Variants in ZNF385D observed in about 807,000 individuals in gnomAD.
The protein encoded by ZNF385D is zinc finger protein 385D.
A neutral mutation model predicts 35.8 loss-of-function variants in ZNF385D; 15 were observed. The ratio of observed to expected loss-of-function variants is 0.42; its 90% CI spans 0.28 to 0.64. ZNF385D has a LOEUF of 0.64. Ranked by LOEUF, ZNF385D falls within the 30% of genes least tolerant of loss-of-function variation. The pLI is 0.23. For synonymous variants in ZNF385D, 212 were observed against 186.8 expected (o/e 1.13, Z -1.10); for missense variants, 474 against 494.6 (o/e 0.96, Z 0.39).
chr3:22,092,837 T>C (rs929673997), intron 3 of ZNF385D, among the ~76,000 whole-genome samples: 3 of 152,204 alleles, frequency 2.0e-5, no homozygotes, highest in Non-Finnish European at 2.9e-5. Context: ...AAAAAGAAAG[T>C]ACTAACATTA....
intron 1 of ZNF385D, among the ~76,000 whole-genome samples, chr3:21,729,787 T>G (rs2068914581): frequency 6.6e-6 from 1 of 152,216 alleles, no homozygotes; most frequent in African/African-American, 2.4e-5. Flanking sequence ...AAACTAGGCC[T>G]ACAGTTCTAA....
rs555285056 is a variant in ZNF385D, at chr3:22,231,161, CA to C, written c.107-62127del. ...TTCAAAAAATAAAGAAAGAAATAGCCAAAAAGTGCAATTGTTAACAGTTGCT... is the reference window on the plus strand; with the variant it reads ...TTCAAAAAATAAAGAAAGAAATAGCCAAAAGTGCAATTGTTAACAGTTGCT... On this transcript the variant is annotated intron_variant, in intron 2 of 5. Transcript: ENST00000494108. 5.3e-5 allele frequency among the ~76,000 whole-genome samples: 8 copies of C among 152,084 alleles called. No individual in the cohort carries two copies. In the South Asian group the frequency reaches 1.7e-3, roughly 32 times the overall value.
intron 3 of ZNF385D, among the ~76,000 whole-genome samples, chr3:21,781,009 A>C (rs1378005048): frequency 2.0e-5 from 3 of 152,064 alleles, no homozygotes; most frequent in African/African-American, 4.8e-5. Flanking sequence ...CATTTGAAGT[A>C]AGTCAGTTTT....
At chr3:22,178,283 G>C (rs1694972461) in intron 2 of ZNF385D, among the ~76,000 whole-genome samples, 1 of 152,170 alleles carries the variant, frequency 6.6e-6, no homozygotes, top group African/African-American at 2.4e-5. Context: ...CATTCTAACT[G>C]GTGTGAGATG....
intron 3 of ZNF385D, among the ~76,000 whole-genome samples, chr3:21,832,760 T>C (rs73144854): frequency 0.023 from 3,549 of 152,240 alleles, 155 homozygotes; most frequent in African/African-American, 0.081. Context: ...TTGTTGGGTG[T>C]GAAGTTGTAC....
At chr3:22,185,921 T>C (rs376960945) in intron 2 of ZNF385D, among the ~76,000 whole-genome samples, 46 of 152,324 alleles carry the variant, frequency 3.0e-4, no homozygotes, top group East Asian at 1.2e-3. Context: ...ACTTCATTTA[T>C]TGCATGACAG....
chr3:21,912,795 T>C (rs571758644), intron 3 of ZNF385D, among the ~76,000 whole-genome samples: 20 of 152,208 alleles, frequency 1.3e-4, no homozygotes, highest in African/African-American at 4.1e-4. Flanking sequence ...GTTGATAAGA[T>C]AGATTGGCAT....
intron 1 of ZNF385D, among the ~76,000 whole-genome samples, chr3:21,704,004 G>A (rs933440129): frequency 2.6e-5 from 4 of 152,202 alleles, no homozygotes; most frequent in African/African-American, 9.6e-5. Flanking sequence ...GGCCCTGCCT[G>A]TTTATGTCTT....
chr3:21,767,646 T>A (rs561758476), intron 3 of ZNF385D, among the ~76,000 whole-genome samples: 3 of 151,614 alleles, frequency 2.0e-5, no homozygotes, highest in Non-Finnish European at 4.4e-5. Flanking sequence ...GATGAATGAA[T>A]TGATGAGTGG....
At chr3:21,730,039 T>C (rs1163576513) in intron 1 of ZNF385D, among the ~76,000 whole-genome samples, 2 of 152,192 alleles carry the variant, frequency 1.3e-5, no homozygotes, top group South Asian at 2.1e-4. Flanking sequence ...GTTTTCCTAG[T>C]GCAACTAACG....
In ZNF385D at chr3:21,724,367, G is replaced by C. The variant is rs533703181; in HGVS notation, c.22+26528C>G. 4.0e-5 allele frequency among the ~76,000 whole-genome samples: 6 copies of C among 151,110 alleles called. No homozygotes were observed. In the South Asian group the frequency reaches 1.1e-3, roughly 26 times the overall value. On this transcript the variant is annotated intron_variant, in intron 1 of 7. Transcript: ENST00000281523. The stretch of plus-strand genomic sequence containing the variant: ...AAGACACACAATGGCACATTGCATA[G>C]AGTCAAGACCCATCAATGTGCTGTA...
At chr3:21,794,391 C>T (rs1221885814) in intron 3 of ZNF385D, among the ~76,000 whole-genome samples, 1 of 151,980 alleles carries the variant, frequency 6.6e-6, no homozygotes, top group Admixed American at 6.6e-5. Context: ...GCCAGAGTGT[C>T]ATTGAAACGA....
intron 2 of ZNF385D, among the ~76,000 whole-genome samples, chr3:22,245,526 C>A (rs926823005): frequency 2.0e-5 from 3 of 150,644 alleles, no homozygotes; most frequent in South Asian, 2.1e-4. Flanking sequence ...AAGTAGGGAG[C>A]GCATTTCCTA....
intron 3 of ZNF385D, among the ~76,000 whole-genome samples, chr3:22,100,900 AG>A (rs1207062281): frequency 9.2e-5 from 14 of 151,918 alleles, no homozygotes; most frequent in Non-Finnish European, 1.5e-4. Flanking sequence ...TAAGACTTCC[AG>A]GGTTGTGCTA....
At chr3:21,780,077 C>A (rs1339125734) in intron 3 of ZNF385D, among the ~76,000 whole-genome samples, 1 of 151,802 alleles carries the variant, frequency 6.6e-6, no homozygotes, top group Non-Finnish European at 1.5e-5. Flanking sequence ...AGTGAATAGT[C>A]CACACCCACA....
chr3:21,433,086 A>T (rs999074466), intron 5 of ZNF385D, among the ~76,000 whole-genome samples: 3 of 152,106 alleles, frequency 2.0e-5, no homozygotes, highest in African/African-American at 7.2e-5. Context: ...CCCAGAGAGG[A>T]CAACTGACTT....
At chr3:21,732,049 TTTTTTTTTTTTTTTTTTTTTG>T (rs2069035400) in intron 1 of ZNF385D, among the ~76,000 whole-genome samples, 1 of 81,492 alleles carries the variant, frequency 1.2e-5, no homozygotes, top group South Asian at 5.1e-4. Flanking sequence ...TTTTTTTTTT[TTTTTTTTTTTTTTTTTTTTTG>T]AGAACGGAGT....
intron 1 of ZNF385D, among the ~76,000 whole-genome samples, chr3:21,704,713 A>G (rs1487876102): frequency 2.0e-5 from 3 of 152,034 alleles, no homozygotes; most frequent in Non-Finnish European, 2.9e-5. Context: ...TTCTCATACT[A>G]AAGTAAAAGC....
At chr3:21,532,980 G>A (rs1337714666) in intron 3 of ZNF385D, among the ~76,000 whole-genome samples, 1 of 152,154 alleles carries the variant, frequency 6.6e-6, no homozygotes, top group Non-Finnish European at 1.5e-5. Context: ...AGAAATCTGA[G>A]GGTTAAAGAT....
Sources: gnomAD v4.1 joint callset for allele counts (sites outside exome capture counted in the v4.1 genomes callset) on GRCh38, gnomAD v4.1.1 for gene constraint, MANE v1.5 for transcripts, NCBI Gene and HGNC (gene_info 2026-07-23, HGNC 2026-07-21) for gene names.